GNB4: variants seen among roughly 807,000 people sequenced by gnomAD.
The protein encoded by GNB4 is G protein subunit beta 4, also known as guanine nucleotide-binding protein subunit beta-4.
A neutral mutation model predicts 45.2 loss-of-function variants in GNB4; 28 were observed. That is an observed-to-expected ratio of 0.62 (90% CI 0.46 to 0.85). The LOEUF is 0.85. Ranked by LOEUF, GNB4 falls within the 40% of genes least tolerant of loss-of-function variation. GNB4 has a pLI of 0.00. For missense variants in GNB4, 321 were observed against 425.4 expected, an observed-to-expected ratio of 0.75 and a Z score of 2.16; for synonymous variants, 132 against 143.7, an observed-to-expected ratio of 0.92 and a Z score of 0.58.
At chr3:179,433,297 G>A (rs1002322391) in intron 1 of GNB4, among the ~76,000 whole-genome samples, 1 of 152,018 alleles carries the variant, frequency 6.6e-6, no homozygotes, top group African/African-American at 2.4e-5. Context: ...CAACATAGGG[G>A]AGCAGAATCT....
Position 179,413,535 on chromosome 3 carries a change from C to G in GNB4, c.576G>C (p.Leu192Phe). The G allele has an allele frequency of 6.2e-7, 1 of 1,614,082 alleles. No individual in the cohort carries two copies. Among genetic ancestry groups the G allele is most frequent in the Non-Finnish European group, 8.5e-7 (1 of 1,179,946 alleles). Reference protein sequence around the residue: ...GHSGDVMSLSLSPDMRTFVSG... With the variant: ...GHSGDVMSLSFSPDMRTFVSG... ...AAACAAAAGTCCTCATGTCAGGACT[C>G]AAAGAAAGACTCATCACATCTCCAG... Residue 192 changes from leucine (L) to phenylalanine (F), a missense_variant, in exon 8 of 10, where the codon TTG (leucine) becomes TTC (phenylalanine). By Grantham distance (22) the Leu-to-Phe change is conservative. Transcript: ENST00000232564.
the GNB4 span, among the ~76,000 whole-genome samples, chr3:179,498,770 C>G: frequency 7.6e-6 from 1 of 130,778 alleles, no homozygotes; most frequent in Admixed American, 7.7e-5. Flanking sequence ...TTTTTTTTGC[C>G]TCTTTCTTTA....
At chr3:179,413,826 T>TTC in intron 6 of GNB4, 45 bp from the exon 7 acceptor site, 1 of 1,376,452 alleles carries the variant, frequency 7.3e-7, no homozygotes, top group Non-Finnish European at 1.0e-6. Flanking sequence ...ACTGATTGAA[T>TTC]AACTCAGTTA....
the GNB4 span, among the ~76,000 whole-genome samples, chr3:179,489,002 AAAAAAAAAAAAAAAAAAAT>A: frequency 3.0e-4 from 11 of 36,610 alleles, no homozygotes; most frequent in East Asian, 0.011. Flanking sequence ...AAAAAAAAAA[AAAAAAAAAAAAAAAAAAAT>A]ATATATATAT....
At chr3:179,460,822 T>C in the GNB4 span, among the ~76,000 whole-genome samples, 1 of 152,084 alleles carries the variant, frequency 6.6e-6, no homozygotes, top group Admixed American at 6.5e-5. Flanking sequence ...TATAATTTTT[T>C]ATCTTTTATT....
At chr3:179,498,388 C>A in the GNB4 span, among the ~76,000 whole-genome samples, 2 of 152,136 alleles carry the variant, frequency 1.3e-5, no homozygotes, top group Non-Finnish European at 2.9e-5. Flanking sequence ...GGAACACATA[C>A]CATTGATGGG....
At chr3:179,521,876 C>G in the GNB4 span, among the ~76,000 whole-genome samples, 1 of 151,994 alleles carries the variant, frequency 6.6e-6, no homozygotes, top group Non-Finnish European at 1.5e-5. Flanking sequence ...CTTCTAACAA[C>G]CCCGCAATAT....
chr3:179,428,015 T>C (rs1409602042), intron 1 of GNB4, among the ~76,000 whole-genome samples: 1 of 152,220 alleles, frequency 6.6e-6, no homozygotes, highest in Admixed American at 6.5e-5. Flanking sequence ...AAAGATTGAT[T>C]CCCCTCATGA....
the GNB4 span, among the ~76,000 whole-genome samples, chr3:179,523,300 G>A: frequency 4.6e-5 from 7 of 152,162 alleles, no homozygotes; most frequent in Non-Finnish European, 8.8e-5. Flanking sequence ...CGGCAGTACA[G>A]CCCAGGTAAT....
chr3:179,526,535 G>A, the GNB4 span, among the ~76,000 whole-genome samples: 1 of 152,288 alleles, frequency 6.6e-6, no homozygotes, highest in South Asian at 2.1e-4. Context: ...AGGAGTTTCT[G>A]GGCCAATAAA....
chr3:179,503,837 A>C, the GNB4 span, among the ~76,000 whole-genome samples: 1 of 152,238 alleles, frequency 6.6e-6, no homozygotes, highest in African/African-American at 2.4e-5. Flanking sequence ...TGTGGAATGA[A>C]TCACAAGCCA....
chr3:179,410,385 T>C (rs1714618580), intron 8 of GNB4: 1 of 152,210 alleles, frequency 6.6e-6, no homozygotes, highest in Non-Finnish European at 1.5e-5. Context: ...TGTTCATTGC[T>C]AAGGCTGCCA....
the GNB4 span, among the ~76,000 whole-genome samples, chr3:179,486,579 C>T: frequency 1.3e-5 from 2 of 152,054 alleles, no homozygotes; most frequent in Non-Finnish European, 2.9e-5. Flanking sequence ...AATGAGCCAC[C>T]ATAGGATTCC....
At chr3:179,501,623 T>C in the GNB4 span, among the ~76,000 whole-genome samples, 5 of 152,140 alleles carry the variant, frequency 3.3e-5, no homozygotes, top group African/African-American at 1.2e-4. Context: ...CCATGTCTGG[T>C]CCCAATTGCC....
At chr3:179,459,788 C>A in the GNB4 span, among the ~76,000 whole-genome samples, 1 of 152,120 alleles carries the variant, frequency 6.6e-6, no homozygotes, top group South Asian at 2.1e-4. Flanking sequence ...TTATTTCCTG[C>A]TAAATAAATC....
the GNB4 span, among the ~76,000 whole-genome samples, chr3:179,481,712 T>C: frequency 6.6e-6 from 1 of 152,150 alleles, no homozygotes; most frequent in Non-Finnish European, 1.5e-5. Context: ...ATTTAATTAA[T>C]AAATTGATGC....
upstream of GNB4, among the ~76,000 whole-genome samples, chr3:179,454,398 T>C (rs1462058027): frequency 6.6e-6 from 1 of 152,204 alleles, no homozygotes; most frequent in African/African-American, 2.4e-5. Context: ...ATAACCTGCA[T>C]ACCTCACCCC....
intron 1 of GNB4, among the ~76,000 whole-genome samples, chr3:179,446,566 A>G (rs2108622251): frequency 6.6e-6 from 1 of 152,292 alleles, no homozygotes; most frequent in Non-Finnish European, 1.5e-5. Flanking sequence ...AGGCTTAACT[A>G]AAGTTAAAAT....
intron 2 of GNB4, among the ~76,000 whole-genome samples, chr3:179,422,832 G>A (rs112783598): frequency 0.17 from 26,318 of 151,976 alleles, 2,380 homozygotes; most frequent in Admixed American, 0.23. Context: ...TTGCTCTGTC[G>A]CCCAGGCTGG....
Sources: allele counts gnomAD v4.1 joint callset (sites outside exome capture counted in the v4.1 genomes callset), GRCh38; gene constraint gnomAD v4.1.1; transcripts MANE v1.5; gene names NCBI Gene and HGNC (gene_info 2026-07-23, HGNC 2026-07-21).